APP: variants seen among roughly 807,000 people sequenced by gnomAD.
APP encodes the protein amyloid beta precursor protein, also known as amyloid-beta precursor protein.
Under a neutral mutation model 101.4 loss-of-function variants are expected in APP, and 31 were observed. The ratio of observed to expected loss-of-function variants is 0.31; its 90% CI spans 0.23 to 0.41. The LOEUF is 0.41. APP is among the 10% of genes least tolerant of loss of function. The pLI is 1.00. For synonymous variants in APP, 366 were observed against 364.4 expected, an observed-to-expected ratio of 1.00 and a Z score of -0.05; for missense variants, 839 against 1,003.7, an observed-to-expected ratio of 0.84 and a Z score of 2.22.
intron 17 of APP, 109 bp downstream of exon 17, chr21:25,891,613 C>T (rs573584712): frequency 9.1e-7 from 1 of 1,102,948 alleles, no homozygotes. Flanking sequence ...TGGAAGCACA[C>T]TGATTCGTTT....
chr21:26,071,431 G>A (rs2061409470), intron 3 of APP, among the ~76,000 whole-genome samples: 1 of 152,116 alleles, frequency 6.6e-6, no homozygotes, highest in South Asian at 2.1e-4. Context: ...ATCAAACTAA[G>A]CTTAAAAGTA....
At chr21:26,058,332 G>A (rs149371145) in intron 3 of APP, among the ~76,000 whole-genome samples, 1 of 152,236 alleles carries the variant, frequency 6.6e-6, no homozygotes, top group East Asian at 1.9e-4. Context: ...ACTGTGATCT[G>A]GTCACATGCA....
At chr21:25,912,644 C>G (rs570286668) in intron 13 of APP, among the ~76,000 whole-genome samples, 35 of 152,286 alleles carry the variant, frequency 2.3e-4, no homozygotes, top group African/African-American at 7.0e-4. Context: ...CCCTGGCTCC[C>G]CGTATTTCCC....
chr21:26,077,183 C>T (rs1287065299), intron 3 of APP, among the ~76,000 whole-genome samples: 2 of 152,146 alleles, frequency 1.3e-5, no homozygotes, highest in Admixed American at 6.5e-5. Context: ...TCGATTTCTC[C>T]ATAACAAGAG....
intron 2 of APP, among the ~76,000 whole-genome samples, chr21:26,107,341 C>T (rs751538738): frequency 6.6e-6 from 1 of 152,130 alleles, no homozygotes; most frequent in Non-Finnish European, 1.5e-5. Flanking sequence ...TAAATCTCTC[C>T]AAGTCAAAAT....
Position 25,897,937 on chromosome 21 carries a change from T to TG in APP, c.1964-265dup, listed in dbSNP as rs1335803642. Reference sequence around the variant, plus strand: ...AAATACATGCTATAATTTTTGAAAATGGGGGAAAAGCAGAAGTTAAATCCT... The same window carrying TG: ...AAATACATGCTATAATTTTTGAAAATGGGGGGAAAAGCAGAAGTTAAATCCT... On this transcript the variant is annotated intron_variant, in intron 15 of 17. Coordinates refer to ENST00000346798, the MANE Select transcript of APP (RefSeq NM_000484.4). 8.3e-6 allele frequency: 4 copies of TG among 484,070 alleles called. No homozygotes were observed. In the Admixed American group the frequency reaches 1.4e-4, roughly 18 times the overall value. 30.0% of individuals were successfully genotyped at this position (484,070 alleles called of 1,614,324 possible). A position where few individuals can be genotyped will look rare whatever the true frequency, so the allele number is the denominator to read the frequency against.
At chr21:26,028,307 G>A (rs2044672182) in intron 5 of APP, among the ~76,000 whole-genome samples, 1 of 152,056 alleles carries the variant, frequency 6.6e-6, no homozygotes, top group African/African-American at 2.4e-5. Context: ...TACTTATTCT[G>A]AGTGAGACAA....
intron 1 of APP, among the ~76,000 whole-genome samples, chr21:26,139,633 C>A (rs889115424): frequency 6.6e-6 from 1 of 152,162 alleles, no homozygotes; most frequent in African/African-American, 2.4e-5. Context: ...CAGTGGCTCA[C>A]GCCTGTATCC....
chr21:26,044,780 C>T (rs532623979), intron 5 of APP, among the ~76,000 whole-genome samples: 9 of 152,264 alleles, frequency 5.9e-5, no homozygotes, highest in Admixed American at 2.6e-4. Context: ...CTCAGGCGAT[C>T]GGCCCACCTC....
rs768171775 is a variant in APP, at chr21:25,892,949, TA to T, written c.2065-1082del. 2.2e-3 allele frequency among the ~76,000 whole-genome samples: 200 copies of T among 90,762 alleles called. 1 individual carries two copies. The highest frequency in any genetic ancestry group is 6.3e-3 in the Middle Eastern group (1 of 158). 59.5% of individuals were successfully genotyped at this position (90,762 alleles called of 152,430 possible). On this transcript the variant is annotated intron_variant, in intron 16 of 17. Coordinates refer to ENST00000346798, the MANE Select transcript of APP (RefSeq NM_000484.4). ...TACAGTAGTGCTTACAGATAGTATTTAAAAAAAAAAAACAAAAAGGTTTCTG... is the reference window on the plus strand; with the variant it reads ...TACAGTAGTGCTTACAGATAGTATTTAAAAAAAAAAACAAAAAGGTTTCTG...
intron 9 of APP, among the ~76,000 whole-genome samples, chr21:25,979,077 A>T (rs1701004): frequency 0.65 from 56,450 of 87,194 alleles, 12,950 homozygotes; most frequent in African/African-American, 0.73. Flanking sequence ...GTTCAGCTGT[A>T]GATTTCTATT....
intron 1 of APP, among the ~76,000 whole-genome samples, chr21:26,133,193 G>T (rs12627300): frequency 0.032 from 4,940 of 152,262 alleles, 130 homozygotes; most frequent in East Asian, 0.11. Context: ...AGCCAAGATT[G>T]TGCCACTGCA....
At chr21:26,077,062 C>CAA (rs35080722) in intron 3 of APP, among the ~76,000 whole-genome samples, 12 of 110,136 alleles carry the variant, frequency 1.1e-4, no homozygotes, top group African/African-American at 3.7e-4. Context: ...GACTCTGTCT[C>CAA]AAAAAAAAAA....
chr21:25,987,587 A>T (rs2042686545), intron 8 of APP, among the ~76,000 whole-genome samples: 1 of 152,248 alleles, frequency 6.6e-6, no homozygotes, highest in Non-Finnish European at 1.5e-5. Flanking sequence ...AAAATGTAAC[A>T]GAAAAGCAGT....
chr21:25,935,855 A>AC (rs2040340475), intron 13 of APP, among the ~76,000 whole-genome samples: 1 of 151,190 alleles, frequency 6.6e-6, no homozygotes, highest in African/African-American at 2.4e-5. Context: ...AAAAAAAAAA[A>AC]AAAAAACCTG....
chr21:26,100,630 T>C (rs1039268830), intron 2 of APP, among the ~76,000 whole-genome samples: 2 of 152,200 alleles, frequency 1.3e-5, no homozygotes, highest in African/African-American at 4.8e-5. Flanking sequence ...TGTTCAGTTA[T>C]GTATTTTAGA....
At chr21:26,089,852 T>C in intron 3 of APP, 91 bp downstream of exon 3, 2 of 1,583,036 alleles carry the variant, frequency 1.3e-6, no homozygotes, top group East Asian at 2.3e-5. Context: ...GAAGAACAAG[T>C]CTGTGTATGT....
chr21:26,045,463 A>G (rs1203377952), intron 5 of APP, among the ~76,000 whole-genome samples: 3 of 152,352 alleles, frequency 2.0e-5, no homozygotes, highest in Admixed American at 1.3e-4. Context: ...TACAGAATAA[A>G]CATGTGGGTT....
At chr21:26,017,203 A>AAAAAAAAAAAAAAAAAAAC (rs2044129177) in intron 6 of APP, among the ~76,000 whole-genome samples, 1 of 149,154 alleles carries the variant, frequency 6.7e-6, no homozygotes, top group Non-Finnish European at 1.5e-5. Context: ...TATCTCAAAA[A>AAAAAAAAAAAAAAAAAAAC]AAAAAAAAAA....
Sources: gnomAD v4.1 joint callset for allele counts (sites outside exome capture counted in the v4.1 genomes callset) on GRCh38, gnomAD v4.1.1 for gene constraint, MANE v1.5 for transcripts, NCBI Gene and HGNC (gene_info 2026-07-23, HGNC 2026-07-21) for gene names.